The following HCN3 variants were observed in gnomAD, a reference collection of about 807,000 sequenced individuals.
HCN3 encodes the protein hyperpolarization activated cyclic nucleotide gated potassium channel 3.
In HCN3, 36 loss-of-function variants were observed where a neutral mutation model predicts 56.8. The ratio of observed to expected loss-of-function variants is 0.63; its 90% CI spans 0.49 to 0.84. The LOEUF is 0.84. Ranked by LOEUF, HCN3 falls within the 40% of genes least tolerant of loss-of-function variation. The probability of loss-of-function intolerance (pLI) is 0.00; values close to 1 mark genes in which losing one functional copy is unlikely to be tolerated. For synonymous variants in HCN3, 425 were observed against 439.7 expected (o/e 0.97, Z 0.42); for missense variants, 930 against 1,079.3 (o/e 0.86, Z 1.94).
chr1:155,283,902 C>A, intron 2 of HCN3, 72 bp from the exon 3 acceptor site: 2 of 1,523,568 alleles, frequency 1.3e-6, no homozygotes, highest in Non-Finnish European at 1.8e-6. Context: ...AGAGAATTTG[C>A]CAGGCTGGGA....
rs759676682 is a variant in HCN3 at position 155,288,106 on chromosome 1, G to A, written c.1968G>A (p.Pro656=). ...AWRSAGSPAS[P]LVPVRAGPWA... ...GCTCAGCAGGCTCTCCAGCTTCCCC[G>A]CTGGTGCCCGTCCGAGCTGGCCCAT... Residue 656 remains proline (P), a synonymous_variant, in exon 8 of 8, where the codon CCG becomes CCA. Transcript: ENST00000368358. This position sits in a 1 kb window ranked among gnomAD's most constrained non-coding sequence, Gnocchi z 6.5. The A allele has an allele frequency of 5.0e-6, 8 of 1,607,098 alleles. No individual in the cohort carries two copies. The highest frequency in any genetic ancestry group is 1.6e-4 in the Middle Eastern group (1 of 6,074).
At chr1:155,280,037 C>T (rs1215553334) in intron 1 of HCN3, among the ~76,000 whole-genome samples, 1 of 151,806 alleles carries the variant, frequency 6.6e-6, no homozygotes, top group Non-Finnish European at 1.5e-5. Context: ...ACCTCCGCCT[C>T]CCGGGTTCAA....
Position 155,284,273 on chromosome 1 carries a change from G to A in HCN3, c.870+138G>A. 9.5e-7 allele frequency: 1 copy of A among 1,057,354 alleles called. No individual in the cohort carries two copies. Among genetic ancestry groups the A allele is most frequent in the Non-Finnish European group, 1.4e-6 (1 of 737,054 alleles). The allele number at this position is 1,057,354 out of a possible 1,614,324, so 65.5% of individuals were successfully genotyped here. ...GGAGCGAGGAGGTGGGGAGGAGGGA[G>A]GAAAGGGGAAGGAGACCCAGAAGAA... is the stretch of plus-strand genomic sequence containing the variant. On this transcript the variant is annotated intron_variant, in intron 3 of 7. Coordinates refer to ENST00000368358, the MANE Select transcript of HCN3 (RefSeq NM_020897.3). This position sits in a 1 kb window ranked among gnomAD's most constrained non-coding sequence, Gnocchi z 4.3.
chr1:155,288,155 GC>G lies in HCN3; in HGVS notation c.2021del (p.Pro674HisfsTer32). ...ATGGGCATCCACCTCCCGCCTGCCC[GC>G]CCCACCTGCCCGAACCCTGCACGCC... ...GPWASTSRLP[A>X]PPARTLHASL... On this transcript the variant is annotated frameshift_variant, in exon 8 of 8. Transcript: ENST00000368358. LOFTEE classifies it high-confidence loss of function. The surrounding 1 kb of genome is among the most constrained non-coding windows in gnomAD (Gnocchi z 6.5). The G allele has an allele frequency of 6.3e-7, 1 of 1,580,154 alleles. No individual in the cohort carries two copies. Among genetic ancestry groups the G allele is most frequent in the Non-Finnish European group, 8.6e-7 (1 of 1,168,210 alleles).
rs562748460 is a variant in HCN3 at position 155,288,314 on chromosome 1, G to A, written c.2176G>A (p.Asp726Asn). The A allele has an allele frequency of 6.6e-5, 106 of 1,613,372 alleles. No homozygotes were observed. The Admixed American group carries it at 1.4e-3, about 22-fold the overall frequency. ...QPSLPQRATG[D>N]GSPGRKGSGS... ...CTCTCTGCCTCAGCGGGCAACAGGCGATGGCTCTCCTGGGCGTAAGGGATC... is the reference window on the plus strand; with the variant it reads ...CTCTCTGCCTCAGCGGGCAACAGGCAATGGCTCTCCTGGGCGTAAGGGATC... Residue 726 changes from aspartate to asparagine, a missense_variant, in exon 8 of 8, where the codon GAT becomes AAT. Physicochemically the swap from Asp to Asn is conservative, Grantham distance 23. Coordinates refer to ENST00000368358, the MANE Select transcript of HCN3 (RefSeq NM_020897.3). This position sits in a 1 kb window ranked among gnomAD's most constrained non-coding sequence, Gnocchi z 6.5.
In HCN3 at chr1:155,288,168, G is replaced by A. The variant is rs755263049; in HGVS notation, c.2030G>A (p.Arg677Gln). ...TCCCGCCTGCCCGCCCCACCTGCCC[G>A]AACCCTGCACGCCAGCCTATCCCGG... ...STSRLPAPPA[R>Q]TLHASLSRAG... The change falls in exon 8 of 8, where the codon CGA (arginine) becomes CAA (glutamine). Residue 677 changes from arginine (R) to glutamine (Q), a missense_variant. Arg to Gln is a conservative substitution (Grantham distance 43). Transcript: ENST00000368358. This position sits in a 1 kb window ranked among gnomAD's most constrained non-coding sequence, Gnocchi z 6.5. 8.2e-6 allele frequency: 13 copies of A among 1,578,892 alleles called. No homozygotes were observed. The highest frequency in any genetic ancestry group is 1.1e-5 in the South Asian group (1 of 88,426).
Position 155,285,278 on chromosome 1 carries a change from C to T in HCN3, c.1203C>T (p.Ser401=). The T allele has an allele frequency of 6.2e-7, 1 of 1,613,944 alleles. No homozygotes were observed. The highest frequency in any genetic ancestry group is 8.5e-7 in the Non-Finnish European group (1 of 1,179,880). The stretch of plus-strand genomic sequence containing the variant: ...AGGGCAAGATGTTCGATGAGGAAAG[C>T]ATCCTGGGCGAGCTGAGCGAGCCGC... ...RYQGKMFDEE[S]ILGELSEPLR... The change falls in exon 5 of 8, where the codon AGC becomes AGT. Residue 401 remains serine, a synonymous_variant. Transcript: ENST00000368358. The surrounding 1 kb of genome is among the most constrained non-coding windows in gnomAD (Gnocchi z 4.5).
At chr1:155,279,387 G>A (rs1295667701) in intron 1 of HCN3, among the ~76,000 whole-genome samples, 1 of 152,196 alleles carries the variant, frequency 6.6e-6, no homozygotes, top group Non-Finnish European at 1.5e-5. Flanking sequence ...CAGAGTCCCA[G>A]TGGACACAGG....
Position 155,282,904 on chromosome 1 carries a change from C to A in HCN3, c.708+64C>A. 7.3e-7 allele frequency: 1 copy of A among 1,374,312 alleles called. No individual in the cohort carries two copies. The highest frequency in any genetic ancestry group is 9.9e-7 in the Non-Finnish European group (1 of 1,012,492). 85.1% of individuals were successfully genotyped at this position (1,374,312 alleles called of 1,614,324 possible). A position where few individuals can be genotyped will look rare whatever the true frequency, so the allele number is the denominator to read the frequency against. Reference sequence around the variant, plus strand: ...GATGTTGGGGGAGAAGGGGGCGGGGCGGCTGGTGGACTTCTCTAGGAAGAT... The same window carrying A: ...GATGTTGGGGGAGAAGGGGGCGGGGAGGCTGGTGGACTTCTCTAGGAAGAT... On this transcript the variant is annotated intron_variant, in intron 2 of 7. Coordinates refer to ENST00000368358, the MANE Select transcript of HCN3 (RefSeq NM_020897.3). The surrounding 1 kb of genome is among the most constrained non-coding windows in gnomAD (Gnocchi z 4.7).
In HCN3 at chr1:155,284,814, C is replaced by G; in HGVS notation, c.1089+57C>G. 1.3e-6 allele frequency: 2 copies of G among 1,485,802 alleles called. No individual in the cohort carries two copies. Among genetic ancestry groups the G allele is most frequent in the Admixed American group, 1.9e-5 (1 of 51,804 alleles). 92.0% of individuals were successfully genotyped at this position (1,485,802 alleles called of 1,614,324 possible). A position where few individuals can be genotyped will look rare whatever the true frequency, so the allele number is the denominator to read the frequency against. On this transcript the variant is annotated intron_variant, in intron 4 of 7. Transcript: ENST00000368358. The surrounding 1 kb of genome is among the most constrained non-coding windows in gnomAD (Gnocchi z 4.3). ...TGGAGGGGTGTTGGAGACTGGGTAGCCTGACTTGAGGCCCATTCTGATGTG... is the reference window on the plus strand; with the variant it reads ...TGGAGGGGTGTTGGAGACTGGGTAGGCTGACTTGAGGCCCATTCTGATGTG...
chr1:155,282,353 G>A lies in HCN3; in HGVS notation c.279-58G>A. 6.6e-7 allele frequency: 1 copy of A among 1,526,122 alleles called. No individual in the cohort carries two copies. Among genetic ancestry groups the A allele is most frequent in the South Asian group, 1.2e-5 (1 of 86,282 alleles). The allele number at this position is 1,526,122 out of a possible 1,614,324, so 94.5% of individuals were successfully genotyped here. A position where few individuals can be genotyped will look rare whatever the true frequency, so the allele number is the denominator to read the frequency against. On this transcript the variant is annotated intron_variant, in intron 1 of 7. Coordinates refer to ENST00000368358, the MANE Select transcript of HCN3 (RefSeq NM_020897.3). This position sits in a 1 kb window ranked among gnomAD's most constrained non-coding sequence, Gnocchi z 4.7. ...GGCCATGTCAGCCTATCTTCTGTCA[G>A]TCTAGTGGCTGGTGAAATATCCTCA...
intron 1 of HCN3, among the ~76,000 whole-genome samples, chr1:155,280,997 G>A (rs546001264): frequency 5.3e-5 from 8 of 150,970 alleles, no homozygotes; most frequent in Non-Finnish European, 1.0e-4. Context: ...CAGGCGATCC[G>A]CCCACCTTGG....
chr1:155,287,296 G>A lies in HCN3; in HGVS notation c.1601G>A (p.Arg534Gln), dbSNP rs41264937. ...CTTGAGGAGTTCCCCATGATGCGCC[G>A]GGCCTTTGAGACTGTGGCCATGGAT... ...AVLEEFPMMRRAFETVAMDRL... is the reference protein window; with the variant it reads ...AVLEEFPMMRQAFETVAMDRL... Residue 534 changes from arginine to glutamine, a missense_variant, in exon 7 of 8, where the codon CGG becomes CAG. Arg to Gln is a conservative substitution (Grantham distance 43). Coordinates refer to ENST00000368358, the MANE Select transcript of HCN3 (RefSeq NM_020897.3). The A allele has an allele frequency of 3.5e-5, 56 of 1,613,934 alleles. No individual in the cohort carries two copies. Among genetic ancestry groups the A allele is most frequent in the Non-Finnish European group, 4.2e-5 (49 of 1,179,904 alleles).
Position 155,285,094 on chromosome 1 carries a change from C to T in HCN3, c.1090-71C>T. 2 of 1,562,594 alleles carry T rather than the reference C, an allele frequency of 1.3e-6. No homozygotes were observed. The highest frequency in any genetic ancestry group is 1.7e-6 in the Non-Finnish European group (2 of 1,146,574). On this transcript the variant is annotated intron_variant, in intron 4 of 7. Transcript: ENST00000368358. This position sits in a 1 kb window ranked among gnomAD's most constrained non-coding sequence, Gnocchi z 4.5. Reference sequence around the variant, plus strand: ...ACCTGTGTCTCTGACCTTCCGCACACACACCCCACTGTGCCGGCCCCAAAT... The same window carrying T: ...ACCTGTGTCTCTGACCTTCCGCACATACACCCCACTGTGCCGGCCCCAAAT...
At chr1:155,287,131 G>A in intron 6 of HCN3, 42 bp from the exon 7 acceptor site, 2 of 1,602,820 alleles carry the variant, frequency 1.2e-6, no homozygotes, top group Non-Finnish European at 1.7e-6. Context: ...GGAGTTCTGG[G>A]GACAAGGACG....
chr1:155,277,747 C>T lies in HCN3; in HGVS notation c.157C>T (p.Leu53Phe), dbSNP rs765357805. ...TAAGAGGAGGCACCTTGGGACGCTG[C>T]TCCAGCCTACGGTCAACAAGTTCTC... ...EPKRRHLGTLLQPTVNKFSLR... is the reference protein window; with the variant it reads ...EPKRRHLGTLFQPTVNKFSLR... Residue 53 changes from leucine to phenylalanine, a missense_variant, in exon 1 of 8, where the codon CTC (leucine) becomes TTC (phenylalanine). Leu to Phe is a conservative substitution (Grantham distance 22). Transcript: ENST00000368358. 1.5e-5 allele frequency: 24 copies of T among 1,603,592 alleles called. No individual in the cohort carries two copies. The highest frequency in any genetic ancestry group is 4.3e-6 in the Non-Finnish European group (5 of 1,175,498).
At chr1:155,286,266 C>G (rs973847879) in intron 6 of HCN3, among the ~76,000 whole-genome samples, 3 of 152,164 alleles carry the variant, frequency 2.0e-5, no homozygotes, top group African/African-American at 7.2e-5. Context: ...CTGCCTCACA[C>G]TCCCGAGTAG....
At chr1:155,283,829 A>G in intron 2 of HCN3, 145 bp from the exon 3 acceptor site, 1 of 803,740 alleles carries the variant, frequency 1.2e-6, no homozygotes, top group Non-Finnish European at 1.9e-6. Context: ...ACAAAACTCC[A>G]CACAAATGAA....
rs1211458993 is a variant in HCN3, at chr1:155,282,525, A to T, written c.393A>T (p.Val131=). 6.2e-7 allele frequency: 1 copy of T among 1,614,160 alleles called. No homozygotes were observed. Among genetic ancestry groups the T allele is most frequent in the South Asian group, 1.1e-5 (1 of 91,082 alleles). The change falls in exon 2 of 8, where the codon GTA becomes GTT. Residue 131 remains valine, a synonymous_variant. Coordinates refer to ENST00000368358, the MANE Select transcript of HCN3 (RefSeq NM_020897.3). The surrounding 1 kb of genome is among the most constrained non-coding windows in gnomAD (Gnocchi z 4.7). ...ENSPPWIVFN[V]LSDTFFLLDL... is the part of the protein sequence containing the mutation. Reference sequence around the variant, plus strand: ...CCCCGCCTTGGATCGTCTTCAACGTATTGTCTGATACTTTCTTCCTACTGG... The same window carrying T: ...CCCCGCCTTGGATCGTCTTCAACGTTTTGTCTGATACTTTCTTCCTACTGG...
Sources: allele counts gnomAD v4.1 joint callset (sites outside exome capture counted in the v4.1 genomes callset), GRCh38; gene constraint gnomAD v4.1.1; non-coding constraint Gnocchi (gnomAD v3.1); transcripts MANE v1.5; gene names NCBI Gene and HGNC (gene_info 2026-07-23, HGNC 2026-07-21).